CEP85L: variants seen among roughly 807,000 people sequenced by gnomAD.
CEP85L encodes centrosomal protein of 85 kDa-like.
In CEP85L, 60 loss-of-function variants were observed where a neutral mutation model predicts 100.3. The ratio of observed to expected loss-of-function variants is 0.60; its 90% confidence interval spans 0.49 to 0.74. CEP85L has a LOEUF of 0.74. Among genes scored for constraint, CEP85L ranks in the 30% least tolerant of loss-of-function variants. The probability of loss-of-function intolerance (pLI) is 0.00; values close to 1 mark genes in which losing one functional copy is unlikely to be tolerated. For synonymous variants in CEP85L, 319 were observed against 322.7 expected (o/e 0.99, Z 0.12); for missense variants, 973 against 936.2 (o/e 1.04, Z -0.51).
upstream of CEP85L, chr6:118,656,827 G>T (rs188063882): frequency 2.8e-4 from 43 of 152,254 alleles, no homozygotes; most frequent in Middle Eastern, 3.4e-3. Context: ...GTAAACCACA[G>T]TCGCCCTACT....
At chr6:118,556,411 T>C (rs1778879517) in intron 3 of CEP85L, among the ~76,000 whole-genome samples, 1 of 152,196 alleles carries the variant, frequency 6.6e-6, no homozygotes, top group Non-Finnish European at 1.5e-5. Context: ...AAGCCAAAAA[T>C]GCCCAGTCTA....
At chr6:118,503,916 A>G (rs565480159) in intron 5 of CEP85L, among the ~76,000 whole-genome samples, 110 of 152,182 alleles carry the variant, frequency 7.2e-4, no homozygotes, top group African/African-American at 2.6e-3. Context: ...TGAATCCATG[A>G]AAGGATGAAC....
At position 118,534,619 on chromosome 6, in the gene CEP85L, C is replaced by A. The variant is rs539353107; in HGVS notation, c.1021-10699G>T. Reference sequence around the variant, plus strand: ...ATTATTGACATAAGGATAGACAGACCAATGAAACAGAATAAAGATCCACAA... The same window carrying A: ...ATTATTGACATAAGGATAGACAGACAAATGAAACAGAATAAAGATCCACAA... On this transcript the variant is annotated intron_variant, in intron 3 of 12. Transcript: ENST00000368491. Among the ~76,000 whole-genome samples the A allele has an allele frequency of 3.3e-5, 5 of 151,902 alleles. No homozygotes were observed. The South Asian group carries it at 1.0e-3, about 32-fold the overall frequency.
In CEP85L at chr6:118,651,186, C is replaced by T. The variant is rs1261329042; in HGVS notation, c.73+11G>A. Reference sequence around the variant, plus strand: ...CCCCCACCCCAGCCGGGGCGCTGTCCCGTTCCTTACCGGCAGGGAAGCTGC... The same window carrying T: ...CCCCCACCCCAGCCGGGGCGCTGTCTCGTTCCTTACCGGCAGGGAAGCTGC... On this transcript the variant is annotated intron_variant, in intron 1 of 12. Transcript: ENST00000368491. 9 of 1,495,258 alleles carry T rather than the reference C, an allele frequency of 6.0e-6. No homozygotes were observed. The highest frequency in any genetic ancestry group is 5.7e-5 in the East Asian group (2 of 35,372). 92.6% of individuals were successfully genotyped at this position (1,495,258 alleles called of 1,614,324 possible).
intron 3 of CEP85L, among the ~76,000 whole-genome samples, chr6:118,526,443 C>T (rs1030447923): frequency 2.0e-5 from 3 of 152,160 alleles, no homozygotes; most frequent in African/African-American, 7.2e-5. Context: ...ACAAGTCAGT[C>T]CCGCAAAATC....
At chr6:118,688,012 AT>A (rs1776894381) in intron 1 of CEP85L, among the ~76,000 whole-genome samples, 1 of 152,068 alleles carries the variant, frequency 6.6e-6, no homozygotes, top group Admixed American at 6.5e-5. Context: ...CCAAGATTCC[AT>A]TCCTTGGAAT....
At chr6:118,585,897 T>C (rs2115096776) in intron 2 of CEP85L, among the ~76,000 whole-genome samples, 1 of 152,302 alleles carries the variant, frequency 6.6e-6, no homozygotes, top group African/African-American at 2.4e-5. Flanking sequence ...GGGCATTCAA[T>C]ACCTGCTGTA....
chr6:118,562,362 AT>A (rs940882730), intron 3 of CEP85L, among the ~76,000 whole-genome samples: 139 of 147,720 alleles, frequency 9.4e-4, no homozygotes, highest in African/African-American at 1.5e-3. Context: ...CATTTTATCA[AT>A]TTTTTTTTTT....
At chr6:118,595,387 A>T (rs1185362205) in intron 2 of CEP85L, among the ~76,000 whole-genome samples, 1 of 152,196 alleles carries the variant, frequency 6.6e-6, no homozygotes, top group Non-Finnish European at 1.5e-5. Flanking sequence ...GCATTATTTG[A>T]AATCTCAAAA....
At chr6:118,604,680 C>A (rs1422119355) in intron 2 of CEP85L, among the ~76,000 whole-genome samples, 1 of 152,212 alleles carries the variant, frequency 6.6e-6, no homozygotes, top group East Asian at 1.9e-4. Flanking sequence ...GACTCTCCAG[C>A]ATAGCTAGGG....
intron 5 of CEP85L, among the ~76,000 whole-genome samples, chr6:118,509,010 A>G (rs1775818837): frequency 6.6e-6 from 1 of 152,112 alleles, no homozygotes; most frequent in Non-Finnish European, 1.5e-5. Context: ...CCCATTTAGT[A>G]TTAAGATTTT....
intron 4 of CEP85L, among the ~76,000 whole-genome samples, chr6:118,514,426 GA>G (rs1409271003): frequency 1.3e-5 from 2 of 151,560 alleles, no homozygotes; most frequent in African/African-American, 2.4e-5. Flanking sequence ...CTGGGAGGCT[GA>G]GGCAGGAGAA....
intron 12 of CEP85L, among the ~76,000 whole-genome samples, chr6:118,467,438 G>A (rs984473395): frequency 6.6e-6 from 1 of 152,148 alleles, no homozygotes. Context: ...AACCAAGGTA[G>A]TGCACAGTTT....
chr6:118,480,432 A>C lies in CEP85L; in HGVS notation c.1827T>G (p.Asn609Lys). ...TCTCATTTTGTTGTCTGAGATTATC[A>C]TTTTCATTCTGAAGCTGTTTTGCAT... ...MLDAKQLQNENDNLRQQNETA... is the reference protein window; with the variant it reads ...MLDAKQLQNEKDNLRQQNETA... The change falls in exon 9 of 13, where the codon AAT becomes AAG. Residue 609 changes from asparagine (N) to lysine (K), a missense_variant. Asn to Lys is a moderately conservative substitution (Grantham distance 94, BLOSUM62 0). Transcript: ENST00000368491. 6.2e-7 allele frequency: 1 copy of C among 1,611,360 alleles called. No homozygotes were observed.
intron 3 of CEP85L, among the ~76,000 whole-genome samples, chr6:118,542,921 A>AAAAAAAAAAAAAAC (rs1562245160): frequency 4.0e-5 from 6 of 151,040 alleles, no homozygotes; most frequent in Non-Finnish European, 5.9e-5. Context: ...AAAAAAAAAA[A>AAAAAAAAAAAAAAC]AACAGGATAT....
chr6:118,567,354 T>C (rs1364179211), intron 2 of CEP85L, among the ~76,000 whole-genome samples: 1 of 149,776 alleles, frequency 6.7e-6, no homozygotes, highest in Non-Finnish European at 1.5e-5. Flanking sequence ...ATTTATTAAA[T>C]CCCCAAGTTG....
chr6:118,698,958 A>G (rs1777306885), intron 1 of CEP85L, among the ~76,000 whole-genome samples: 1 of 152,176 alleles, frequency 6.6e-6, no homozygotes, highest in Non-Finnish European at 1.5e-5. Context: ...CAGTGTCAGA[A>G]TTCTGCCATT....
chr6:118,691,533 CAAA>C (rs372306868), intron 1 of CEP85L, among the ~76,000 whole-genome samples: 7 of 88,674 alleles, frequency 7.9e-5, no homozygotes, highest in Non-Finnish European at 1.1e-4. Flanking sequence ...AACTCCATCT[CAAA>C]AAAAAAAAAA....
chr6:118,674,970 A>G (rs1364480453), intron 1 of CEP85L, among the ~76,000 whole-genome samples: 1 of 152,242 alleles, frequency 6.6e-6, no homozygotes, highest in Non-Finnish European at 1.5e-5. Flanking sequence ...GTATTTACCC[A>G]AGAGAAATAA....
Sources: gnomAD v4.1 joint callset for allele counts (sites outside exome capture counted in the v4.1 genomes callset) on GRCh38, gnomAD v4.1.1 for gene constraint, MANE v1.5 for transcripts, NCBI Gene and HGNC (gene_info 2026-07-23, HGNC 2026-07-21) for gene names.